Variants in BMP5 observed in about 807,000 individuals in gnomAD.
BMP5 encodes bone morphogenetic protein 5.
Under a neutral mutation model 46.6 loss-of-function variants are expected in BMP5, and 23 were observed. That is an observed-to-expected ratio of 0.49 (90% confidence interval 0.35 to 0.70). The LOEUF (loss-of-function observed/expected upper bound fraction) is 0.70. Ranked by LOEUF, BMP5 falls within the 30% of genes least tolerant of loss-of-function variation. The pLI is 0.00. For missense variants in BMP5, 545 were observed against 565.6 expected (o/e 0.96, Z 0.37); for synonymous variants, 204 against 191.9 (o/e 1.06, Z -0.52).
chr6:55,834,107 C>A (rs115333193), intron 1 of BMP5, among the ~76,000 whole-genome samples: 2,237 of 152,216 alleles, frequency 0.015, 53 homozygotes, highest in African/African-American at 0.05. Flanking sequence ...TAACTTCCTG[C>A]AAGCAATCAC....
At chr6:55,834,236 G>T (rs1240066224) in intron 1 of BMP5, among the ~76,000 whole-genome samples, 1 of 152,068 alleles carries the variant, frequency 6.6e-6, no homozygotes, top group East Asian at 1.9e-4. Context: ...ATTTTAAATT[G>T]TCTTGTTCTC....
chr6:55,789,427 A>G (rs1445341469), intron 3 of BMP5, among the ~76,000 whole-genome samples: 1 of 152,004 alleles, frequency 6.6e-6, no homozygotes, highest in African/African-American at 2.4e-5. Context: ...AACAACGGAA[A>G]ATTATAGTGT....
chr6:55,821,306 C>T (rs1776405509), intron 1 of BMP5, among the ~76,000 whole-genome samples: 1 of 152,136 alleles, frequency 6.6e-6, no homozygotes, highest in African/African-American at 2.4e-5. Flanking sequence ...CAGGAGAGAG[C>T]AAGAAGCTGA....
intron 2 of BMP5, among the ~76,000 whole-genome samples, chr6:55,799,426 G>A (rs1391730405): frequency 1.3e-5 from 2 of 152,150 alleles, no homozygotes; most frequent in Admixed American, 1.3e-4. Context: ...AAAAGGAGAA[G>A]GAGGAGGTAG....
intron 3 of BMP5, among the ~76,000 whole-genome samples, chr6:55,778,913 T>C (rs1173279255): frequency 6.6e-6 from 1 of 152,070 alleles, no homozygotes; most frequent in African/African-American, 2.4e-5. Context: ...GGTTAGTGTA[T>C]TGTGGTCACA....
intron 1 of BMP5, among the ~76,000 whole-genome samples, chr6:55,873,429 C>A (rs1240899399): frequency 6.6e-6 from 1 of 151,668 alleles, no homozygotes; most frequent in Non-Finnish European, 1.5e-5. Flanking sequence ...CTTTGACTGC[C>A]AGAGATAGTA....
intron 1 of BMP5, among the ~76,000 whole-genome samples, chr6:55,856,282 A>C (rs767229487): frequency 7.9e-5 from 12 of 152,188 alleles, no homozygotes; most frequent in Non-Finnish European, 1.5e-4. Flanking sequence ...CAGTCACTGA[A>C]GGATGTTTAA....
chr6:55,781,644 G>A (rs1775321207), intron 3 of BMP5, among the ~76,000 whole-genome samples: 1 of 132,784 alleles, frequency 7.5e-6, no homozygotes, highest in Non-Finnish European at 1.6e-5. Flanking sequence ...GTCTCGTTCT[G>A]TCGCCCAGGC....
At chr6:55,832,352 T>A (rs537796203) in intron 1 of BMP5, among the ~76,000 whole-genome samples, 1 of 152,344 alleles carries the variant, frequency 6.6e-6, no homozygotes, top group Non-Finnish European at 1.5e-5. Flanking sequence ...TTGGCTGGAC[T>A]GTACTTGGGC....
intron 4 of BMP5, among the ~76,000 whole-genome samples, chr6:55,772,384 T>C (rs183964612): frequency 2.0e-5 from 3 of 152,054 alleles, no homozygotes; most frequent in Non-Finnish European, 2.9e-5. Flanking sequence ...GCTCAAATAA[T>C]AAGTATGTGA....
At position 55,860,013 on chromosome 6, in the gene BMP5, T is replaced by A. The variant is rs560193823; in HGVS notation, c.490+14363A>T. 2.6e-5 allele frequency among the ~76,000 whole-genome samples: 4 copies of A among 152,340 alleles called. No homozygotes were observed. In the East Asian group the frequency reaches 7.7e-4, roughly 29 times the overall value. On this transcript the variant is annotated intron_variant, in intron 1 of 6. Coordinates refer to ENST00000370830, the MANE Select transcript of BMP5 (RefSeq NM_021073.4). ...GACAGAGAAATGTTTTGGTGGCTCA[T>A]GCCTATAATCCCAGCACTTTGGGAA...
intron 1 of BMP5, among the ~76,000 whole-genome samples, chr6:55,854,382 T>A (rs924076731): frequency 6.6e-6 from 1 of 152,076 alleles, no homozygotes; most frequent in Non-Finnish European, 1.5e-5. Context: ...TTGATCAATA[T>A]TTTTTCATTT....
At chr6:55,860,228 C>T (rs1777498906) in intron 1 of BMP5, among the ~76,000 whole-genome samples, 1 of 151,074 alleles carries the variant, frequency 6.6e-6, no homozygotes, top group African/African-American at 2.4e-5. Flanking sequence ...GAGCCGAGAT[C>T]ACACCACTGA....
chr6:55,777,506 T>A (rs1474114323), intron 3 of BMP5, among the ~76,000 whole-genome samples: 3 of 151,888 alleles, frequency 2.0e-5, no homozygotes, highest in Non-Finnish European at 4.4e-5. Flanking sequence ...AAGCATTGAA[T>A]ATACAGTGGA....
intron 2 of BMP5, 22 bp downstream of exon 2, chr6:55,819,633 A>G: frequency 1.3e-6 from 2 of 1,566,530 alleles, no homozygotes; most frequent in Middle Eastern, 1.7e-4. Flanking sequence ...CCAGGATAAT[A>G]AGTTAAATAA....
chr6:55,813,154 G>A (rs1776174170), intron 2 of BMP5, among the ~76,000 whole-genome samples: 1 of 151,888 alleles, frequency 6.6e-6, no homozygotes. Flanking sequence ...GTTTTGTTTT[G>A]ATTTTTTACT....
At chr6:55,833,989 A>G (rs374179193) in intron 1 of BMP5, among the ~76,000 whole-genome samples, 66 of 152,260 alleles carry the variant, frequency 4.3e-4, no homozygotes, top group African/African-American at 1.4e-3. Context: ...TTAGTAAAAG[A>G]AAAAAGAGGA....
intron 2 of BMP5, among the ~76,000 whole-genome samples, chr6:55,813,821 G>C (rs9296801): frequency 0.1 from 15,028 of 150,514 alleles, 848 homozygotes; most frequent in East Asian, 0.14. Context: ...TGTTTTCTCT[G>C]TGCTATTTTT....
intron 2 of BMP5, among the ~76,000 whole-genome samples, chr6:55,803,662 G>A (rs900357074): frequency 7.2e-5 from 11 of 152,268 alleles, no homozygotes; most frequent in Middle Eastern, 3.4e-3. Context: ...TAACAGCTCC[G>A]TCAGCTTCTC....
Sources: allele counts gnomAD v4.1 joint callset (sites outside exome capture counted in the v4.1 genomes callset), GRCh38; gene constraint gnomAD v4.1.1; transcripts MANE v1.5; gene names NCBI Gene and HGNC (gene_info 2026-07-23, HGNC 2026-07-21).